The following PRMT9 variants were observed in gnomAD, a reference collection of about 807,000 sequenced individuals.
PRMT9 encodes the protein protein arginine methyltransferase 9.
A neutral mutation model predicts 83.2 loss-of-function variants in PRMT9; 59 were observed. That is an observed-to-expected ratio of 0.71 (90% CI 0.57 to 0.88). PRMT9 has a LOEUF of 0.88. PRMT9 is among the 40% of genes least tolerant of loss of function. The pLI is 0.00. For missense variants in PRMT9, 947 were observed against 1,021.9 expected, an observed-to-expected ratio of 0.93 and a Z score of 1.00; for synonymous variants, 333 against 353.2, an observed-to-expected ratio of 0.94 and a Z score of 0.64.
At chr4:147,662,570 G>C (rs532499154) in intron 6 of PRMT9, among the ~76,000 whole-genome samples, 6 of 152,326 alleles carry the variant, frequency 3.9e-5, no homozygotes, top group African/African-American at 1.4e-4. Context: ...GGAGGCCAAG[G>C]TGGGAGGATC....
At position 147,657,870 on chromosome 4, in the gene PRMT9, C is replaced by T; in HGVS notation, c.1252G>A (p.Asp418Asn). Residue 418 changes from aspartate to asparagine, a missense_variant, in exon 8 of 12, where the codon GAT (aspartate) becomes AAT (asparagine). Asp to Asn is a conservative substitution (Grantham distance 23). Coordinates refer to ENST00000322396, the MANE Select transcript of PRMT9 (RefSeq NM_138364.4). The stretch of plus-strand genomic sequence containing the variant: ...GGACTTGTGGATAAACTATGTTCAT[C>T]ATCAAGCTGGAGCACAAACCAAACC... ...IMVWFVLQLD[D>N]EHSLSTSPSE... 6.2e-7 allele frequency: 1 copy of T among 1,610,802 alleles called. No individual in the cohort carries two copies. The highest frequency in any genetic ancestry group is 8.5e-7 in the Non-Finnish European group (1 of 1,179,460).
At chr4:147,647,309 A>G (rs1733794573) in intron 9 of PRMT9, among the ~76,000 whole-genome samples, 1 of 152,108 alleles carries the variant, frequency 6.6e-6, no homozygotes, top group African/African-American at 2.4e-5. Context: ...TCAGACTCAA[A>G]TACTTCTATG....
chr4:147,680,114 TTCTG>T (rs1214959425), intron 2 of PRMT9, among the ~76,000 whole-genome samples: 7 of 152,228 alleles, frequency 4.6e-5, no homozygotes, highest in African/African-American at 1.7e-4. Flanking sequence ...TCCTTGGATA[TTCTG>T]TCTTACTCCT....
At chr4:147,678,242 T>TA (rs1439512565) in intron 2 of PRMT9, among the ~76,000 whole-genome samples, 3 of 152,236 alleles carry the variant, frequency 2.0e-5, no homozygotes, top group Non-Finnish European at 4.4e-5. Flanking sequence ...AGGTTTTTTT[T>TA]AGCTGGATGT....
intron 9 of PRMT9, among the ~76,000 whole-genome samples, chr4:147,648,783 C>A (rs1220472440): frequency 6.6e-6 from 1 of 150,768 alleles, no homozygotes; most frequent in East Asian, 2.0e-4. Context: ...TTTTTTTTTT[C>A]TCTGTTATTA....
chr4:147,679,716 C>T (rs1273848683), intron 2 of PRMT9, among the ~76,000 whole-genome samples: 1 of 152,156 alleles, frequency 6.6e-6, no homozygotes, highest in East Asian at 1.9e-4. Context: ...CGCCACTTCA[C>T]TCCAGCCTGG....
In PRMT9 at chr4:147,639,097, A is replaced by C. The variant is rs111550773; in HGVS notation, c.2200-15T>G. 15 of 1,612,882 alleles carry C rather than the reference A, an allele frequency of 9.3e-6. No homozygotes were observed. In the African/African-American group the frequency reaches 9.3e-5, roughly 10 times the overall value. ...CGTATAGGTACCTAGAGAAAGTATA[A>C]ATTTTTCACTTTCACTTTTTCTTTT... On this transcript the variant is annotated splice_polypyrimidine_tract_variant and intron_variant, in intron 10 of 11. Transcript: ENST00000322396.
chr4:147,656,075 C>A (rs1734467229), intron 8 of PRMT9, among the ~76,000 whole-genome samples: 1 of 152,034 alleles, frequency 6.6e-6, no homozygotes, highest in Admixed American at 6.6e-5. Context: ...ACAACAAAAG[C>A]TCTGAGAAAC....
At chr4:147,661,607 A>G (rs1037108047) in intron 6 of PRMT9, among the ~76,000 whole-genome samples, 3 of 151,800 alleles carry the variant, frequency 2.0e-5, no homozygotes, top group Non-Finnish European at 2.9e-5. Flanking sequence ...TGGCTAACAC[A>G]GTGAAACCCT....
intron 1 of PRMT9, among the ~76,000 whole-genome samples, 176 bp downstream of exon 1, chr4:147,683,619 TTTTC>T (rs1214004910): frequency 6.6e-6 from 1 of 151,952 alleles, no homozygotes; most frequent in Non-Finnish European, 1.5e-5. Flanking sequence ...GCCTTTTTTC[TTTTC>T]TTTTTTTTTA....
chr4:147,654,186 G>C lies in PRMT9; in HGVS notation c.1711C>G (p.Gln571Glu), dbSNP rs1364967340. The C allele has an allele frequency of 6.2e-7, 1 of 1,614,180 alleles. No homozygotes were observed. Among genetic ancestry groups the C allele is most frequent in the Admixed American group, 1.7e-5 (1 of 60,020 alleles). ...AGGATGTTCTGTACAGTATTACTCT[G>C]TCCAGTTCCAGAGCTCATCTCATTC... ...CQNEMSSGTG[Q>E]SNTVQNILEP... The change falls in exon 9 of 12, where the codon CAG becomes GAG. Residue 571 changes from glutamine (Q) to glutamate (E), a missense_variant. Physicochemically the swap from Gln to Glu is conservative, Grantham distance 29. Coordinates refer to ENST00000322396, the MANE Select transcript of PRMT9 (RefSeq NM_138364.4).
intron 8 of PRMT9, among the ~76,000 whole-genome samples, chr4:147,655,984 G>A (rs576732043): frequency 1.4e-4 from 22 of 152,160 alleles, no homozygotes; most frequent in Admixed American, 1.3e-4. Flanking sequence ...CACTGTGGTC[G>A]GCATTTTATA....
At chr4:147,640,092 A>ATTTTT (rs1560962912) in intron 10 of PRMT9, among the ~76,000 whole-genome samples, 2,937 of 70,346 alleles carry the variant, frequency 0.042, 1,073 homozygotes, top group Non-Finnish European at 0.049. Context: ...TTTTTTTTTA[A>ATTTTT]TATAGGGTCT....
At chr4:147,674,617 GAGA>G in intron 2 of PRMT9, among the ~76,000 whole-genome samples, 1 of 152,102 alleles carries the variant, frequency 6.6e-6, no homozygotes, top group East Asian at 1.9e-4. Flanking sequence ...GTGCAATACT[GAGA>G]AGGAGAGAAT....
At chr4:147,638,811 T>TTTAG (rs1366480101) in intron 11 of PRMT9, 64 bp from the exon 12 acceptor site, 2 of 1,392,308 alleles carry the variant, frequency 1.4e-6, no homozygotes, top group African/African-American at 2.9e-5. Flanking sequence ...TAAGTCTCTT[T>TTTAG]TTAGTTACTT....
chr4:147,651,579 A>G (rs1009845137), intron 9 of PRMT9, among the ~76,000 whole-genome samples: 1 of 152,274 alleles, frequency 6.6e-6, no homozygotes, highest in African/African-American at 2.4e-5. Context: ...ACTTGAATAG[A>G]TATTTCTCCA....
intron 6 of PRMT9, among the ~76,000 whole-genome samples, chr4:147,667,319 G>A (rs1735410260): frequency 6.6e-6 from 1 of 152,110 alleles, no homozygotes; most frequent in South Asian, 2.1e-4. Context: ...CTAAACTCCA[G>A]TAACTACAAC....
intron 6 of PRMT9, chr4:147,661,261 TAAAA>T (rs35220006): frequency 7.1e-4 from 205 of 289,106 alleles, no homozygotes; most frequent in Non-Finnish European, 8.3e-4. Context: ...GTCTGCTCAC[TAAAA>T]AAAAAAAAAA....
At chr4:147,672,085 A>G (rs996151146) in intron 4 of PRMT9, 6 of 341,620 alleles carry the variant, frequency 1.8e-5, no homozygotes, top group Non-Finnish European at 3.4e-5. Context: ...CAAGTGGAAC[A>G]AGACAACTGA....
Sources: gnomAD v4.1 joint callset for allele counts (sites outside exome capture counted in the v4.1 genomes callset) on GRCh38, gnomAD v4.1.1 for gene constraint, MANE v1.5 for transcripts, NCBI Gene and HGNC (gene_info 2026-07-23, HGNC 2026-07-21) for gene names.